The following PREX2 variants were observed in gnomAD, a reference collection of about 807,000 sequenced individuals.
PREX2 encodes the protein phosphatidylinositol-3,4,5-trisphosphate dependent Rac exchange factor 2, also known as phosphatidylinositol 3,4,5-trisphosphate-dependent Rac exchanger 2 protein.
In PREX2, 107 loss-of-function variants were observed where a neutral mutation model predicts 203.2. The observed-to-expected ratio is 0.53, with a 90% CI of 0.45 to 0.62. The LOEUF (loss-of-function observed/expected upper bound fraction) is 0.62, where lower values mean the gene tolerates loss of function less well. Among genes scored for constraint, PREX2 ranks in the 20% least tolerant of loss-of-function variants. The pLI, the probability that PREX2 is intolerant of heterozygous loss-of-function variation, is 0.00. For missense variants in PREX2, 1,777 were observed against 1,955.9 expected (o/e 0.91, Z 1.72); for synonymous variants, 672 against 663.6 (o/e 1.01, Z -0.19).
intron 20 of PREX2, among the ~76,000 whole-genome samples, chr8:68,091,568 G>A (rs1482270885): frequency 1.3e-5 from 2 of 152,278 alleles, no homozygotes; most frequent in South Asian, 2.1e-4. Flanking sequence ...CCTGCAAAAT[G>A]CTGAATCTAC....
intron 1 of PREX2, among the ~76,000 whole-genome samples, chr8:67,976,642 GAC>G (rs1563480223): frequency 0.051 from 5,148 of 100,590 alleles, 487 homozygotes; most frequent in African/African-American, 0.07. Context: ...ACGGGAGAGA[GAC>G]AGAGAGAGAG....
chr8:68,007,763 C>G (rs1338673223), intron 1 of PREX2, among the ~76,000 whole-genome samples: 1 of 152,172 alleles, frequency 6.6e-6, no homozygotes, highest in Non-Finnish European at 1.5e-5. Flanking sequence ...GTGCCCGCCA[C>G]CACGCCTGGC....
At chr8:68,107,107 T>G (rs2129612767) in intron 23 of PREX2, among the ~76,000 whole-genome samples, 1 of 152,234 alleles carries the variant, frequency 6.6e-6, no homozygotes, top group East Asian at 1.9e-4. Flanking sequence ...AATAGGAAGG[T>G]TACAGCGTGC....
chr8:68,212,634 T>A (rs987541669), intron 37 of PREX2, among the ~76,000 whole-genome samples: 1 of 152,242 alleles, frequency 6.6e-6, no homozygotes, highest in Non-Finnish European at 1.5e-5. Flanking sequence ...CCCACTTCTG[T>A]ACATTTTTTC....
At chr8:68,218,142 G>A (rs1052841519) in intron 38 of PREX2, among the ~76,000 whole-genome samples, 1 of 152,142 alleles carries the variant, frequency 6.6e-6, no homozygotes, top group African/African-American at 2.4e-5. Flanking sequence ...ACTGCCAAGG[G>A]ACATTCATGC....
At position 68,138,404 on chromosome 8, in the gene PREX2, T is replaced by C. The variant is rs1811154497; in HGVS notation, c.3985-11T>C. On this transcript the variant is annotated splice_polypyrimidine_tract_variant and intron_variant, in intron 32 of 39. Coordinates refer to ENST00000288368, the MANE Select transcript of PREX2 (RefSeq NM_024870.4). ...CATCTTGTATTATATATTGTTTTTC[T>C]TTCTTTGTAGACAGATGAACAAGCC... 2 of 1,449,996 alleles carry C rather than the reference T, an allele frequency of 1.4e-6. No individual in the cohort carries two copies. The highest frequency in any genetic ancestry group is 1.9e-6 in the Non-Finnish European group (2 of 1,051,058). 89.8% of individuals were successfully genotyped at this position (1,449,996 alleles called of 1,614,324 possible). A position where few individuals can be genotyped will look rare whatever the true frequency, so the allele number is the denominator to read the frequency against.
At chr8:67,952,693 G>T in intron 1 of PREX2, 158 bp downstream of exon 1, 4 of 1,031,764 alleles carry the variant, frequency 3.9e-6, no homozygotes, top group African/African-American at 1.6e-5. Flanking sequence ...CTGCGTTCGC[G>T]GGCGCGGTGA....
chr8:68,062,594 T>C (rs1217134549), intron 11 of PREX2, among the ~76,000 whole-genome samples: 1 of 152,238 alleles, frequency 6.6e-6, no homozygotes, highest in African/African-American at 2.4e-5. Flanking sequence ...AACAGTTATT[T>C]ATTAATCCCT....
chr8:68,169,542 A>C (rs1174627577), intron 35 of PREX2, among the ~76,000 whole-genome samples: 1 of 152,184 alleles, frequency 6.6e-6, no homozygotes, highest in Non-Finnish European at 1.5e-5. Flanking sequence ...GAACATATTA[A>C]GAATCAGTCA....
intron 4 of PREX2, 65 bp from the exon 5 acceptor site, chr8:68,027,157 T>C: frequency 8.4e-7 from 1 of 1,185,676 alleles, no homozygotes; most frequent in Non-Finnish European, 1.3e-6. Context: ...CATTTTATGG[T>C]GGAAGAAAGT....
At chr8:68,072,961 G>T (rs552694459) in intron 14 of PREX2, among the ~76,000 whole-genome samples, 58 of 151,934 alleles carry the variant, frequency 3.8e-4, no homozygotes, top group Non-Finnish European at 6.6e-4. Context: ...TTCCCTTTTA[G>T]AAAATAATTG....
chr8:68,124,434 A>G (rs1367494073), intron 30 of PREX2, among the ~76,000 whole-genome samples: 1 of 152,158 alleles, frequency 6.6e-6, no homozygotes, highest in Non-Finnish European at 1.5e-5. Flanking sequence ...TGGAAGCTAA[A>G]TGATGAGAAC....
At chr8:68,227,409 C>T (rs200752036) in intron 39 of PREX2, among the ~76,000 whole-genome samples, 9 of 152,088 alleles carry the variant, frequency 5.9e-5, no homozygotes, top group Non-Finnish European at 8.8e-5. Context: ...GGGAAGCACA[C>T]GCACAGGGAG....
chr8:68,004,487 C>A (rs1807034827), intron 1 of PREX2, among the ~76,000 whole-genome samples: 1 of 152,170 alleles, frequency 6.6e-6, no homozygotes, highest in Admixed American at 6.5e-5. Context: ...AGTCAATGGG[C>A]ATCACACCTG....
intron 34 of PREX2, among the ~76,000 whole-genome samples, chr8:68,152,160 G>A (rs779335900): frequency 5.9e-5 from 9 of 151,684 alleles, no homozygotes; most frequent in Non-Finnish European, 1.3e-4. Flanking sequence ...CTGGTGGCGG[G>A]CATCTGTAGT....
intron 39 of PREX2, among the ~76,000 whole-genome samples, chr8:68,224,968 C>T (rs1354003966): frequency 6.6e-6 from 1 of 152,096 alleles, no homozygotes; most frequent in African/African-American, 2.4e-5. Flanking sequence ...GCATGATTGC[C>T]TTTCCCATAT....
chr8:68,062,505 C>T (rs907835890), intron 11 of PREX2, among the ~76,000 whole-genome samples: 2 of 152,136 alleles, frequency 1.3e-5, no homozygotes, highest in African/African-American at 4.8e-5. Context: ...GCACTGTGGC[C>T]ACCCTGACCA....
At chr8:68,197,643 T>A (rs745363929) in intron 37 of PREX2, among the ~76,000 whole-genome samples, 70 of 151,292 alleles carry the variant, frequency 4.6e-4, no homozygotes, top group Non-Finnish European at 7.5e-4. Context: ...GAAGGACACA[T>A]TTGGACCAGA....
chr8:68,015,093 C>A (rs1374532044), intron 1 of PREX2, among the ~76,000 whole-genome samples: 1 of 152,172 alleles, frequency 6.6e-6, no homozygotes, highest in Non-Finnish European at 1.5e-5. Flanking sequence ...TAGAATCCTT[C>A]ATGTATTTTT....
Sources: gnomAD v4.1 joint callset for allele counts (sites outside exome capture counted in the v4.1 genomes callset) on GRCh38, gnomAD v4.1.1 for gene constraint, MANE v1.5 for transcripts, NCBI Gene and HGNC (gene_info 2026-07-23, HGNC 2026-07-21) for gene names.